ST7: variants seen among roughly 807,000 people sequenced by gnomAD.
The protein encoded by ST7 is suppressor of tumorigenicity 7 protein.
In ST7, 28 loss-of-function variants were observed where a neutral mutation model predicts 78.7. The ratio of observed to expected loss-of-function variants is 0.36; its 90% confidence interval spans 0.26 to 0.49. The LOEUF is 0.49. Ranked by LOEUF, ST7 falls within the 20% of genes least tolerant of loss-of-function variation. The pLI is 0.99. For missense variants in ST7, 418 were observed against 696.0 expected (o/e 0.60, Z 4.49); for synonymous variants, 247 against 249.6 (o/e 0.99, Z 0.10).
chr7:117,148,014 T>C (rs1805947403), intron 9 of ST7, among the ~76,000 whole-genome samples: 1 of 152,210 alleles, frequency 6.6e-6, no homozygotes, highest in African/African-American at 2.4e-5. Context: ...CTGTTGGGTA[T>C]AAAGATTTGT....
At chr7:117,040,417 T>TACAC (rs143063486) in intron 1 of ST7, among the ~76,000 whole-genome samples, 8 of 150,476 alleles carry the variant, frequency 5.3e-5, no homozygotes, top group African/African-American at 1.5e-4. Context: ...TATACACACA[T>TACAC]ACACACACAC....
chr7:117,188,320 C>G (rs1000394485), intron 10 of ST7, among the ~76,000 whole-genome samples: 6 of 152,192 alleles, frequency 3.9e-5, no homozygotes, highest in African/African-American at 1.4e-4. Context: ...GCAGGGCATT[C>G]CAGGGGCAAA....
chr7:117,076,515 T>A (rs982232715), intron 1 of ST7: 1 of 152,256 alleles, frequency 6.6e-6, no homozygotes, highest in African/African-American at 2.4e-5. Context: ...CAACTCCTTA[T>A]GGGAGGGAGT....
chr7:117,202,520 T>A (rs564737992), intron 12 of ST7, among the ~76,000 whole-genome samples: 1 of 152,274 alleles, frequency 6.6e-6, no homozygotes, highest in East Asian at 1.9e-4. Context: ...ATGCCAAAAA[T>A]TTGTCACCTT....
chr7:117,201,872 TCTC>T (rs1334310448), intron 12 of ST7, among the ~76,000 whole-genome samples: 1 of 152,082 alleles, frequency 6.6e-6, no homozygotes, highest in Non-Finnish European at 1.5e-5. Context: ...ATGTCAGCAC[TCTC>T]CTCCTACTCC....
intron 1 of ST7, chr7:117,020,549 T>C (rs1795841535): frequency 3.2e-6 from 5 of 1,542,758 alleles, no homozygotes; most frequent in Non-Finnish European, 3.5e-6. Flanking sequence ...CGCTTTTCTT[T>C]CTTTTTTTTT....
chr7:116,999,178 T>C (rs1028681806), intron 1 of ST7, among the ~76,000 whole-genome samples: 9 of 152,180 alleles, frequency 5.9e-5, no homozygotes, highest in Non-Finnish European at 1.2e-4. Context: ...TTTCCTTCTT[T>C]CTTTTTTTCA....
chr7:117,149,821 G>C (rs1054113566), intron 9 of ST7, among the ~76,000 whole-genome samples: 2 of 151,908 alleles, frequency 1.3e-5, no homozygotes, highest in African/African-American at 4.8e-5. Context: ...AAAAGCTTTT[G>C]GAGGCTGTAT....
At chr7:117,037,021 A>AT (rs1232565969) in intron 1 of ST7, among the ~76,000 whole-genome samples, 1 of 152,170 alleles carries the variant, frequency 6.6e-6, no homozygotes, top group Non-Finnish European at 1.5e-5. Context: ...TGGACCCAGC[A>AT]TTGTGGCTCT....
intron 2 of ST7, among the ~76,000 whole-genome samples, chr7:117,103,805 CAAA>C (rs1395129865): frequency 6.6e-6 from 1 of 152,052 alleles, no homozygotes; most frequent in Non-Finnish European, 1.5e-5. Flanking sequence ...AGTGAAGAGA[CAAA>C]CCATAGAATG....
rs118115364 is a variant in ST7, at chr7:117,190,326, C to T, written c.1152-508C>T. The T allele has an allele frequency of 0.01, 1,699 of 168,176 alleles. 11 individuals carry two copies. The highest frequency in any genetic ancestry group is 0.017 in the Admixed American group (268 of 15,540). The allele number at this position is 168,176 out of a possible 1,614,324, so 10.4% of individuals were successfully genotyped here. ...CATTCACTTGGGCAGGTGTCTTGCC[C>T]GCAGTTTGGGCATGCACACACCCTC... On this transcript the variant is annotated intron_variant, in intron 11 of 15. Transcript: ENST00000323984. The surrounding 1 kb of genome is among the most constrained non-coding windows in gnomAD (Gnocchi z 5.2).
At chr7:117,041,883 T>C (rs576937277) in intron 1 of ST7, among the ~76,000 whole-genome samples, 6 of 152,330 alleles carry the variant, frequency 3.9e-5, no homozygotes, top group South Asian at 2.1e-4. Flanking sequence ...ATGGACATTA[T>C]GCTGAATTAT....
intron 1 of ST7, among the ~76,000 whole-genome samples, chr7:117,012,909 TTATATC>T (rs1472455905): frequency 6.6e-6 from 1 of 152,200 alleles, no homozygotes; most frequent in East Asian, 1.9e-4. Flanking sequence ...GTTGTAGGTT[TTATATC>T]TATCTACTCA....
chr7:116,970,983 A>G (rs1451316966), intron 1 of ST7, among the ~76,000 whole-genome samples: 4 of 152,160 alleles, frequency 2.6e-5, no homozygotes, highest in Admixed American at 1.3e-4. Context: ...CTTTCTCCCA[A>G]TTGGACCCAA....
At position 117,070,215 on chromosome 7, in the gene ST7, T is replaced by C. The variant is rs189026972; in HGVS notation, c.152-29547T>C. On this transcript the variant is annotated intron_variant, in intron 1 of 15. Coordinates refer to ENST00000323984, the MANE Select transcript of ST7 (RefSeq NM_001369598.1). ...TTGTTTCAGCTTTCTACTCTGAGTG[T>C]TGTGAAAAGAGGCCAGACTTAAAGT... Among the ~76,000 whole-genome samples, 24 of 152,344 alleles carry C rather than the reference T, an allele frequency of 1.6e-4. No individual in the cohort carries two copies. In the East Asian group the frequency reaches 4.4e-3, roughly 28 times the overall value.
At chr7:117,186,502 GA>G (rs1213904841) in intron 10 of ST7, among the ~76,000 whole-genome samples, 1 of 152,176 alleles carries the variant, frequency 6.6e-6, no homozygotes, top group African/African-American at 2.4e-5. Context: ...ACACTACTCA[GA>G]ATGGCATGCT....
rs35970973 is a variant in ST7 at position 117,096,067 on chromosome 7, C to CAAAA, written c.152-3667_152-3664dup. 6.3e-3 allele frequency among the ~76,000 whole-genome samples: 226 copies of CAAAA among 35,720 alleles called. 5 individuals are homozygous for CAAAA. Among genetic ancestry groups the CAAAA allele is most frequent in the Non-Finnish European group, 8.0e-3 (161 of 20,220 alleles). The allele number at this position is 35,720 out of a possible 152,430, so 23.4% of individuals were successfully genotyped here. Reference sequence around the variant, plus strand: ...TGGGCAACAGAGCGAGATTCTGCCTCAAAAAAAAAAAAAAAAAAAAAAAAA... The same window carrying CAAAA: ...TGGGCAACAGAGCGAGATTCTGCCTCAAAAAAAAAAAAAAAAAAAAAAAAAAAAA... On this transcript the variant is annotated intron_variant, in intron 1 of 15. Transcript: ENST00000323984.
chr7:117,064,750 A>G (rs551673444), intron 1 of ST7, among the ~76,000 whole-genome samples: 2 of 152,288 alleles, frequency 1.3e-5, no homozygotes, highest in Non-Finnish European at 2.9e-5. Context: ...CTTTCTCTTA[A>G]AATACTGTTT....
At chr7:117,081,329 C>T (rs1799757788) in intron 1 of ST7, among the ~76,000 whole-genome samples, 3 of 152,092 alleles carry the variant, frequency 2.0e-5, no homozygotes, top group Admixed American at 1.3e-4. Flanking sequence ...ATAATATATG[C>T]ATGGCAGGTC....
Sources: gnomAD v4.1 joint callset for allele counts (sites outside exome capture counted in the v4.1 genomes callset) on GRCh38, gnomAD v4.1.1 for gene constraint, Gnocchi (gnomAD v3.1) non-coding constraint, MANE v1.5 for transcripts, NCBI Gene and HGNC (gene_info 2026-07-23, HGNC 2026-07-21) for gene names.